The following GATAD2A variants were observed in gnomAD, a reference collection of about 807,000 sequenced individuals.
GATAD2A encodes transcriptional repressor p66-alpha.
A neutral mutation model predicts 68.5 loss-of-function variants in GATAD2A; 12 were observed. The observed-to-expected ratio is 0.18, with a 90% CI of 0.11 to 0.28. The LOEUF (loss-of-function observed/expected upper bound fraction) is 0.28. Ranked by LOEUF, GATAD2A falls within the 10% of genes least tolerant of loss-of-function variation. The pLI, the probability that GATAD2A is intolerant of heterozygous loss-of-function variation, is 1.00. For missense variants in GATAD2A, 755 were observed against 868.5 expected (o/e 0.87, Z 1.64); for synonymous variants, 410 against 375.3 (o/e 1.09, Z -1.07).
At chr19:19,430,052 C>G (rs899875021) in intron 1 of GATAD2A, among the ~76,000 whole-genome samples, 1 of 152,120 alleles carries the variant, frequency 6.6e-6, no homozygotes, top group Non-Finnish European at 1.5e-5. Context: ...TCCTCCTGAT[C>G]CCCCTTCAAA....
intron 11 of GATAD2A, among the ~76,000 whole-genome samples, chr19:19,504,762 C>T (rs2060775733): frequency 1.3e-5 from 2 of 151,766 alleles, no homozygotes; most frequent in African/African-American, 2.4e-5. Context: ...AATCCTCCCA[C>T]CTCAGCCTCT....
chr19:19,449,817 T>A (rs894670470), intron 1 of GATAD2A, among the ~76,000 whole-genome samples: 5 of 152,316 alleles, frequency 3.3e-5, no homozygotes, highest in East Asian at 1.9e-4. Context: ...AAATTGATTT[T>A]AAAAAATATT....
chr19:19,432,605 A>G (rs959018664), intron 1 of GATAD2A, among the ~76,000 whole-genome samples: 9 of 152,214 alleles, frequency 5.9e-5, no homozygotes, highest in African/African-American at 2.2e-4. Flanking sequence ...TTCGGCTGAC[A>G]GTCGTTTTTT....
intron 1 of GATAD2A, among the ~76,000 whole-genome samples, chr19:19,420,226 T>C (rs972938588): frequency 2.7e-5 from 4 of 145,986 alleles, no homozygotes; most frequent in African/African-American, 1.0e-4. Flanking sequence ...TTTCACCATG[T>C]TGGCCAGGCT....
At chr19:19,439,039 G>T (rs1047524755) in intron 1 of GATAD2A, among the ~76,000 whole-genome samples, 11 of 152,244 alleles carry the variant, frequency 7.2e-5, no homozygotes, top group Non-Finnish European at 8.8e-5. Flanking sequence ...TGGCTGGGGT[G>T]TCCCCATTCC....
Position 19,505,412 on chromosome 19 carries a change from C to A in GATAD2A, c.1843C>A (p.Arg615=). The change falls in exon 12 of 12, where the codon CGA becomes AGA. Residue 615 remains arginine (R), a synonymous_variant. Coordinates refer to ENST00000683918, the MANE Select transcript of GATAD2A (RefSeq NM_001384528.1). The part of the protein sequence containing the change: ...HKSSSAVDRQ[R]EYLLDMIPPR... ...GAGCTCCTCGGCCGTGGACCGCCAGCGAGAGTACCTCCTGGACATGATCCC... is the reference window on the plus strand; with the variant it reads ...GAGCTCCTCGGCCGTGGACCGCCAGAGAGAGTACCTCCTGGACATGATCCC... 6.2e-7 allele frequency: 1 copy of A among 1,612,258 alleles called. No homozygotes were observed. The highest frequency in any genetic ancestry group is 8.5e-7 in the Non-Finnish European group (1 of 1,179,046).
intron 1 of GATAD2A, among the ~76,000 whole-genome samples, chr19:19,454,797 G>C (rs1156323990): frequency 1.4e-5 from 2 of 145,712 alleles, no homozygotes; most frequent in Non-Finnish European, 3.0e-5. Flanking sequence ...CTGCTATAAG[G>C]CTTATTTTGG....
chr19:19,414,278 C>G (rs1347625948), intron 1 of GATAD2A, among the ~76,000 whole-genome samples: 1 of 152,174 alleles, frequency 6.6e-6, no homozygotes. Context: ...GGACTTTCTT[C>G]TGTGTACTGT....
chr19:19,457,176 A>T (rs988731638), intron 1 of GATAD2A: 2 of 985,402 alleles, frequency 2.0e-6, no homozygotes, highest in East Asian at 2.3e-4. Flanking sequence ...AAGTGGGGCC[A>T]CTTCAGGGAC....
At chr19:19,472,843 G>A (rs1027318196) in intron 2 of GATAD2A, 1 of 152,196 alleles carries the variant, frequency 6.6e-6, no homozygotes, top group Non-Finnish European at 1.5e-5. Context: ...ACTCTTATTG[G>A]ATTGTCAGTG....
intron 1 of GATAD2A, among the ~76,000 whole-genome samples, chr19:19,442,835 G>A (rs1056090016): frequency 6.6e-6 from 1 of 151,616 alleles, no homozygotes. Context: ...GAAGCTCACT[G>A]GTCCCCTTTG....
At chr19:19,433,722 G>A (rs958788149) in intron 1 of GATAD2A, among the ~76,000 whole-genome samples, 1 of 152,222 alleles carries the variant, frequency 6.6e-6, no homozygotes, top group Non-Finnish European at 1.5e-5. Flanking sequence ...TTGATGAAAA[G>A]TGTAACACTA....
Position 19,501,017 on chromosome 19 carries a change from G to C in GATAD2A, c.1205-101G>C, listed in dbSNP as rs566908944. ...CCAGTAGGCATTTGCAGAACGGACAGACTGTGGCGACTGAGACTCCAGCAT... is the reference window on the plus strand; with the variant it reads ...CCAGTAGGCATTTGCAGAACGGACACACTGTGGCGACTGAGACTCCAGCAT... On this transcript the variant is annotated intron_variant, in intron 8 of 11. Coordinates refer to ENST00000683918, the MANE Select transcript of GATAD2A (RefSeq NM_001384528.1). 87 of 1,040,752 alleles carry C rather than the reference G, an allele frequency of 8.4e-5. No homozygotes were observed. In the African/African-American group the frequency reaches 1.1e-3, roughly 13 times the overall value. 64.5% of individuals were successfully genotyped at this position (1,040,752 alleles called of 1,614,324 possible).
In GATAD2A at chr19:19,412,160, T is replaced by A. The variant is rs561646064; in HGVS notation, c.-7+6141T>A. On this transcript the variant is annotated intron_variant, in intron 1 of 11. Coordinates refer to ENST00000683918, the MANE Select transcript of GATAD2A (RefSeq NM_001384528.1). ...TTTTTTTTAATTTTTAATTTTTTTTTTAATTTTTTTGTTGAGACGGAGTCT... is the reference window on the plus strand; with the variant it reads ...TTTTTTTTAATTTTTAATTTTTTTTATAATTTTTTTGTTGAGACGGAGTCT... 1.4e-3 allele frequency among the ~76,000 whole-genome samples: 215 copies of A among 151,760 alleles called. 1 individual carries two copies. The highest frequency in any genetic ancestry group is 2.5e-3 in the Non-Finnish European group (169 of 67,960).
rs371157041 is a variant in GATAD2A, at chr19:19,503,254, A to G, written c.1774+728A>G. Among the ~76,000 whole-genome samples, 21 of 152,250 alleles carry G rather than the reference A, an allele frequency of 1.4e-4. 1 individual carries two copies. In the East Asian group the frequency reaches 1.5e-3, roughly 11 times the overall value. On this transcript the variant is annotated intron_variant, in intron 11 of 11. Transcript: ENST00000683918. ...ATGGGCACCCTCTGGGAGAGGAAGCAAAGTGTCCCACATGCACCCTGAAGC... is the reference window on the plus strand; with the variant it reads ...ATGGGCACCCTCTGGGAGAGGAAGCGAAGTGTCCCACATGCACCCTGAAGC...
At chr19:19,388,232 T>A (rs1281769584) in intron 1 of GATAD2A, among the ~76,000 whole-genome samples, 5 of 152,018 alleles carry the variant, frequency 3.3e-5, no homozygotes. Context: ...TAATTTTGTA[T>A]TTTTAGTAGA....
chr19:19,504,788 A>G (rs1387450118), intron 11 of GATAD2A, among the ~76,000 whole-genome samples: 1 of 151,878 alleles, frequency 6.6e-6, no homozygotes, highest in African/African-American at 2.4e-5. Flanking sequence ...AACTGGGACT[A>G]CAGGGATGTG....
chr19:19,487,842 G>C (rs1412698778), intron 2 of GATAD2A, among the ~76,000 whole-genome samples: 1 of 152,200 alleles, frequency 6.6e-6, no homozygotes, highest in Admixed American at 6.5e-5. Context: ...GGCAGGGCTG[G>C]TGTTGGCTCT....
intron 1 of GATAD2A, among the ~76,000 whole-genome samples, chr19:19,454,181 G>A (rs1484573880): frequency 1.4e-5 from 2 of 138,882 alleles, no homozygotes; most frequent in African/African-American, 5.8e-5. Context: ...ATTTTTAGTA[G>A]AGACAGGGTT....
Sources: allele counts gnomAD v4.1 joint callset (sites outside exome capture counted in the v4.1 genomes callset), GRCh38; gene constraint gnomAD v4.1.1; transcripts MANE v1.5; gene names NCBI Gene and HGNC (gene_info 2026-07-23, HGNC 2026-07-21).